NRG3: variants seen among roughly 807,000 people sequenced by gnomAD.
The protein encoded by NRG3 is neuregulin 3.
NRG3 carries 31 observed loss-of-function variants against 66.9 expected under a neutral mutation model. That is an observed-to-expected ratio of 0.46 (90% CI 0.35 to 0.63). NRG3 has a LOEUF of 0.63. NRG3 is among the 20% of genes least tolerant of loss of function. The pLI is 0.00. For missense variants in NRG3, 910 were observed against 878.9 expected (o/e 1.04, Z -0.45); for synonymous variants, 393 against 359.4 (o/e 1.09, Z -1.06).
chr10:82,566,639 G>A (rs2045423883), intron 2 of NRG3, among the ~76,000 whole-genome samples: 1 of 151,902 alleles, frequency 6.6e-6, no homozygotes, highest in Admixed American at 6.6e-5. Context: ...AAAATGCTCT[G>A]ACGAACTTAG....
chr10:82,074,783 G>A (rs532380226), intron 1 of NRG3, among the ~76,000 whole-genome samples: 1 of 152,232 alleles, frequency 6.6e-6, no homozygotes, highest in African/African-American at 2.4e-5. Context: ...GCTGCAGTGA[G>A]CTGCAATCCT....
At chr10:82,482,874 C>T (rs1308102599) in intron 2 of NRG3, among the ~76,000 whole-genome samples, 1 of 151,938 alleles carries the variant, frequency 6.6e-6, no homozygotes, top group Non-Finnish European at 1.5e-5. Context: ...AGTGTGGGGG[C>T]AAATGAGAGA....
At chr10:82,447,092 A>G (rs534381755) in intron 2 of NRG3, among the ~76,000 whole-genome samples, 1 of 152,208 alleles carries the variant, frequency 6.6e-6, no homozygotes, top group East Asian at 1.9e-4. Context: ...CTTGTTTACC[A>G]GGGCTGTTGT....
intron 1 of NRG3, among the ~76,000 whole-genome samples, chr10:82,170,223 A>C (rs1460051983): frequency 6.6e-6 from 1 of 152,010 alleles, no homozygotes; most frequent in Non-Finnish European, 1.5e-5. Flanking sequence ...GGTTTCTGAA[A>C]TATACCACCT....
chr10:81,904,306 G>A lies in NRG3; in HGVS notation c.823+28143G>A, dbSNP rs550220400. On this transcript the variant is annotated intron_variant, in intron 1 of 8. Coordinates refer to ENST00000372141, the MANE Select transcript of NRG3 (RefSeq NM_001010848.4). ...ATTATAGGTGTGAGCCACCATGCCT[G>A]GCCCAGAGTATATCTTAATAAATTA... is the stretch of plus-strand genomic sequence containing the variant. 2.0e-5 allele frequency among the ~76,000 whole-genome samples: 3 copies of A among 152,090 alleles called. No individual in the cohort carries two copies. The South Asian group carries it at 6.2e-4, about 32-fold the overall frequency.
chr10:81,950,635 G>A (rs1424607606), intron 1 of NRG3, among the ~76,000 whole-genome samples: 2 of 152,128 alleles, frequency 1.3e-5, no homozygotes, highest in African/African-American at 4.8e-5. Context: ...CCTTCAGATG[G>A]ATTTTGTGTA....
At chr10:82,476,557 C>T (rs191130297) in intron 2 of NRG3, among the ~76,000 whole-genome samples, 1 of 152,274 alleles carries the variant, frequency 6.6e-6, no homozygotes, top group Non-Finnish European at 1.5e-5. Context: ...CATGCTACAG[C>T]ATGAATGCAT....
chr10:82,384,264 G>GT (rs997308612), intron 2 of NRG3, among the ~76,000 whole-genome samples: 28 of 151,044 alleles, frequency 1.9e-4, no homozygotes, highest in Admixed American at 7.3e-4. Flanking sequence ...CTTTATTTTA[G>GT]TTTTTTTTTA....
chr10:82,753,306 C>G (rs1437733457), intron 3 of NRG3, among the ~76,000 whole-genome samples: 3 of 151,760 alleles, frequency 2.0e-5, no homozygotes, highest in Non-Finnish European at 4.4e-5. Flanking sequence ...CCTGTGAAGT[C>G]TCTTTAATAT....
intron 3 of NRG3, among the ~76,000 whole-genome samples, chr10:82,837,774 C>T (rs75817592): frequency 0.019 from 2,935 of 152,148 alleles, 81 homozygotes; most frequent in African/African-American, 0.063. Context: ...ATGAAAGGCT[C>T]ATCATGGTTA....
intron 2 of NRG3, among the ~76,000 whole-genome samples, chr10:82,516,271 T>C (rs993407173): frequency 1.3e-5 from 2 of 152,134 alleles, no homozygotes; most frequent in African/African-American, 2.4e-5. Flanking sequence ...TTCTTTTCTT[T>C]ACAAAATCCA....
intron 1 of NRG3, among the ~76,000 whole-genome samples, chr10:82,151,799 G>T (rs75309476): frequency 6.6e-6 from 1 of 152,058 alleles, no homozygotes; most frequent in South Asian, 2.1e-4. Flanking sequence ...GCATGGTAGC[G>T]TAGTGCTTCA....
At chr10:82,253,625 A>G (rs1036094879) in intron 1 of NRG3, among the ~76,000 whole-genome samples, 4 of 152,178 alleles carry the variant, frequency 2.6e-5, no homozygotes, top group South Asian at 2.1e-4. Flanking sequence ...ATATTTTTCT[A>G]ATCAGTCTTC....
chr10:82,093,321 A>G (rs990748753), intron 1 of NRG3, among the ~76,000 whole-genome samples: 4 of 152,206 alleles, frequency 2.6e-5, no homozygotes, highest in Admixed American at 2.6e-4. Context: ...TATCTGGCTA[A>G]TACACATGAA....
intron 3 of NRG3, 133 bp from the exon 4 acceptor site, chr10:82,865,278 A>G (rs893905289): frequency 1.4e-5 from 11 of 759,800 alleles, no homozygotes; most frequent in South Asian, 1.8e-5. Flanking sequence ...CTAAGCAAAC[A>G]TAGGGGTTAA....
In NRG3 at chr10:82,926,507, C is replaced by A. The variant is rs762414403; in HGVS notation, c.1055-24962C>A. On this transcript the variant is annotated intron_variant, in intron 4 of 8. Transcript: ENST00000372141. The stretch of plus-strand genomic sequence containing the variant: ...TTCTAAAAAGTGATAGTCACTTGAG[C>A]ATCCAAGAAGTATCTATCACATCCT... Among the ~76,000 whole-genome samples, 16 of 152,336 alleles carry A rather than the reference C, an allele frequency of 1.1e-4. 1 individual carries two copies. The South Asian group carries it at 2.7e-3, about 26-fold the overall frequency.
intron 1 of NRG3, among the ~76,000 whole-genome samples, chr10:82,326,636 C>A (rs1473015121): frequency 3.3e-5 from 5 of 152,024 alleles, no homozygotes; most frequent in African/African-American, 1.2e-4. Context: ...TACCCAAGAC[C>A]CCTACCATTT....
At chr10:82,380,750 A>G (rs537427848) in intron 2 of NRG3, among the ~76,000 whole-genome samples, 14 of 152,264 alleles carry the variant, frequency 9.2e-5, no homozygotes, top group African/African-American at 3.4e-4. Flanking sequence ...ACAGTTTGTT[A>G]TTACCACCAG....
intron 1 of NRG3, among the ~76,000 whole-genome samples, chr10:81,908,681 A>G (rs1006072095): frequency 1.3e-5 from 2 of 152,150 alleles, no homozygotes; most frequent in Admixed American, 1.3e-4. Context: ...TGGACACCTC[A>G]GTCTCGAAAT....
Sources: gnomAD v4.1 joint callset for allele counts (sites outside exome capture counted in the v4.1 genomes callset) on GRCh38, gnomAD v4.1.1 for gene constraint, MANE v1.5 for transcripts, NCBI Gene and HGNC (gene_info 2026-07-23, HGNC 2026-07-21) for gene names.